Variants in NRG3 observed in about 807,000 individuals in gnomAD.
NRG3 encodes the protein neuregulin 3, also known as pro-neuregulin-3, membrane-bound isoform.
Under a neutral mutation model 66.9 loss-of-function variants are expected in NRG3, and 31 were observed. The observed-to-expected ratio is 0.46, with a 90% CI of 0.35 to 0.63. NRG3 has a LOEUF of 0.63. Among genes scored for constraint, NRG3 ranks in the 20% least tolerant of loss-of-function variants. The pLI is 0.00. For synonymous variants in NRG3, 393 were observed against 359.4 expected (o/e 1.09, Z -1.06); for missense variants, 910 against 878.9 (o/e 1.04, Z -0.45).
intron 3 of NRG3, among the ~76,000 whole-genome samples, chr10:82,761,179 T>A (rs1300228360): frequency 6.6e-6 from 1 of 152,004 alleles, no homozygotes; most frequent in Non-Finnish European, 1.5e-5. Context: ...AGGAAGAAAG[T>A]AAAACATATC....
chr10:82,587,131 A>G (rs1308917042), intron 2 of NRG3, among the ~76,000 whole-genome samples: 1 of 152,136 alleles, frequency 6.6e-6, no homozygotes, highest in Non-Finnish European at 1.5e-5. Flanking sequence ...TCACAAGTAT[A>G]TCATATTTTT....
chr10:81,962,580 A>T (rs958557153), intron 1 of NRG3, among the ~76,000 whole-genome samples: 15 of 152,216 alleles, frequency 9.9e-5, no homozygotes, highest in African/African-American at 3.6e-4. Flanking sequence ...TGAGTCAGAG[A>T]TGTTCCAGTT....
At chr10:82,799,178 T>A (rs558036575) in intron 3 of NRG3, among the ~76,000 whole-genome samples, 1 of 152,226 alleles carries the variant, frequency 6.6e-6, no homozygotes, top group African/African-American at 2.4e-5. Context: ...GACTTATTGG[T>A]GCGGCTGTAT....
At chr10:82,014,898 G>A (rs944669485) in intron 1 of NRG3, among the ~76,000 whole-genome samples, 1 of 152,110 alleles carries the variant, frequency 6.6e-6, no homozygotes, top group Non-Finnish European at 1.5e-5. Context: ...GGCCAGCAAG[G>A]AACAGAGATT....
chr10:82,590,784 T>C (rs777372109), intron 2 of NRG3, among the ~76,000 whole-genome samples: 1 of 152,130 alleles, frequency 6.6e-6, no homozygotes, highest in Non-Finnish European at 1.5e-5. Context: ...CACCTAGATC[T>C]TGCAGTTTGG....
intron 1 of NRG3, among the ~76,000 whole-genome samples, chr10:82,215,379 C>A (rs2075613252): frequency 6.6e-6 from 1 of 152,178 alleles, no homozygotes; most frequent in Admixed American, 6.5e-5. Context: ...TCTTTCCCAG[C>A]ATCCTCTGAA....
chr10:81,973,485 G>A (rs1241668424), intron 1 of NRG3, among the ~76,000 whole-genome samples: 1 of 152,124 alleles, frequency 6.6e-6, no homozygotes, highest in East Asian at 1.9e-4. Context: ...AGTCGCCACA[G>A]TGTCTTCCAC....
At chr10:82,665,945 T>C (rs973572970) in intron 2 of NRG3, among the ~76,000 whole-genome samples, 1 of 152,188 alleles carries the variant, frequency 6.6e-6, no homozygotes, top group Non-Finnish European at 1.5e-5. Context: ...CACTGCAACC[T>C]ACACCTCCCA....
intron 3 of NRG3, among the ~76,000 whole-genome samples, chr10:82,782,643 A>G (rs1385337187): frequency 6.6e-6 from 1 of 152,098 alleles, no homozygotes; most frequent in Non-Finnish European, 1.5e-5. Flanking sequence ...CAAGCTAGAA[A>G]AAGTCTAGAT....
At chr10:82,208,461 C>G (rs1013000593) in intron 1 of NRG3, among the ~76,000 whole-genome samples, 18 of 152,110 alleles carry the variant, frequency 1.2e-4, no homozygotes, top group African/African-American at 4.3e-4. Context: ...CACATGGGGA[C>G]TATGCCATTC....
At chr10:82,050,744 A>G (rs2063552365) in intron 1 of NRG3, among the ~76,000 whole-genome samples, 1 of 151,534 alleles carries the variant, frequency 6.6e-6, no homozygotes. Context: ...AGACTCTGAT[A>G]ATGTCTCGTT....
intron 1 of NRG3, among the ~76,000 whole-genome samples, chr10:82,096,884 C>T (rs1445943698): frequency 6.6e-6 from 1 of 151,994 alleles, no homozygotes; most frequent in East Asian, 1.9e-4. Context: ...ATAGAATAAG[C>T]CCTGATTTAT....
intron 2 of NRG3, among the ~76,000 whole-genome samples, chr10:82,625,295 AG>A (rs2049339156): frequency 6.8e-6 from 1 of 146,928 alleles, no homozygotes; most frequent in Admixed American, 6.8e-5. Flanking sequence ...GCTTTTAGTT[AG>A]AAAAGAAAAA....
intron 2 of NRG3, among the ~76,000 whole-genome samples, chr10:82,612,469 CAAT>C (rs1322929316): frequency 6.6e-6 from 1 of 151,990 alleles, no homozygotes; most frequent in East Asian, 1.9e-4. Context: ...CCCAAAATAA[CAAT>C]ATTATATGTG....
intron 3 of NRG3, among the ~76,000 whole-genome samples, chr10:82,757,654 C>T (rs536860980): frequency 7.0e-4 from 107 of 152,094 alleles, no homozygotes; most frequent in African/African-American, 1.3e-3. Flanking sequence ...ATCCTAATGA[C>T]GACCCCTTTG....
At position 81,971,662 on chromosome 10, in the gene NRG3, G is replaced by A. The variant is rs148647906; in HGVS notation, c.823+95499G>A. The stretch of plus-strand genomic sequence containing the variant: ...AACAAATGAGGAAAGTCATATGATT[G>A]TGCCAGCCTACTGCTTTAAGACAGT... On this transcript the variant is annotated intron_variant, in intron 1 of 8. Coordinates refer to ENST00000372141, the MANE Select transcript of NRG3 (RefSeq NM_001010848.4). Among the ~76,000 whole-genome samples, 13 of 152,336 alleles carry A rather than the reference G, an allele frequency of 8.5e-5. No homozygotes were observed. In the East Asian group the frequency reaches 2.5e-3, roughly 29 times the overall value.
chr10:82,704,458 A>G (rs1172652129), intron 2 of NRG3, among the ~76,000 whole-genome samples: 1 of 152,188 alleles, frequency 6.6e-6, no homozygotes, highest in Non-Finnish European at 1.5e-5. Flanking sequence ...AGGATATCAT[A>G]TGCTCTGCTA....
intron 3 of NRG3, among the ~76,000 whole-genome samples, chr10:82,858,743 C>A (rs1360065542): frequency 6.6e-6 from 1 of 152,186 alleles, no homozygotes; most frequent in Admixed American, 6.5e-5. Context: ...GTTTGCTCCA[C>A]ATTCCTATGG....
intron 1 of NRG3, among the ~76,000 whole-genome samples, chr10:82,233,478 T>C (rs1274543415): frequency 1.3e-5 from 2 of 152,164 alleles, no homozygotes; most frequent in Non-Finnish European, 2.9e-5. Flanking sequence ...GTACAGAAAA[T>C]TTAAATATAC....
Sources: allele counts gnomAD v4.1 joint callset (sites outside exome capture counted in the v4.1 genomes callset), GRCh38; gene constraint gnomAD v4.1.1; transcripts MANE v1.5; gene names NCBI Gene and HGNC (gene_info 2026-07-23, HGNC 2026-07-21).